The following C4orf51 variants were observed in gnomAD, a reference collection of about 807,000 sequenced individuals.
C4orf51 encodes the protein uncharacterized protein C4orf51.
In C4orf51, 25 loss-of-function variants were observed where a neutral mutation model predicts 25.2. That is an observed-to-expected ratio of 0.99 (90% CI 0.72 to 1.39). The LOEUF (loss-of-function observed/expected upper bound fraction) is 1.39. C4orf51 is among the 40% of genes most tolerant of loss of function. C4orf51 has a pLI of 0.00. For synonymous variants in C4orf51, 100 were observed against 84.5 expected (o/e 1.18, Z -1.01); for missense variants, 252 against 239.6 (o/e 1.05, Z -0.34).
intron 3 of C4orf51, among the ~76,000 whole-genome samples, chr4:145,728,414 C>T (rs1732233199): frequency 6.6e-6 from 1 of 151,996 alleles, no homozygotes; most frequent in Non-Finnish European, 1.5e-5. Context: ...AGCATCTTCT[C>T]CTATGTTTAT....
intron 1 of C4orf51, among the ~76,000 whole-genome samples, chr4:145,738,467 TATA>T (rs1387438464): frequency 5.3e-5 from 8 of 151,198 alleles, no homozygotes; most frequent in African/African-American, 1.9e-4. Flanking sequence ...AACATATATA[TATA>T]TATATATAGA....
intron 1 of C4orf51, among the ~76,000 whole-genome samples, chr4:145,680,917 G>A (rs1728802320): frequency 6.6e-6 from 1 of 152,130 alleles, no homozygotes; most frequent in South Asian, 2.1e-4. Context: ...ATTAACTTCA[G>A]TTTATAAAGT....
At chr4:145,697,574 A>T (rs1378185954) in intron 2 of C4orf51, among the ~76,000 whole-genome samples, 1 of 152,106 alleles carries the variant, frequency 6.6e-6, no homozygotes, top group Non-Finnish European at 1.5e-5. Context: ...TATAACTTTG[A>T]CTTTTTAGAT....
chr4:145,765,364 C>T lies in C4orf51; in HGVS notation n.167-5624C>T, dbSNP rs954941272. ...CGGAATCAATGTCACCCTCCCCATC[C>T]TTCCACCCCATACTCGGATTCAAAT... On this transcript the variant is annotated intron_variant and non_coding_transcript_variant, in intron 1 of 1. Transcript: ENST00000510096. The surrounding 1 kb of genome is among the most constrained non-coding windows in gnomAD (Gnocchi z 4.7). Among the ~76,000 whole-genome samples, 5 of 152,208 alleles carry T rather than the reference C, an allele frequency of 3.3e-5. No individual in the cohort carries two copies. Among genetic ancestry groups the T allele is most frequent in the Non-Finnish European group, 5.9e-5 (4 of 68,036 alleles).
At chr4:145,726,724 G>A (rs1373552623) in intron 2 of C4orf51, among the ~76,000 whole-genome samples, 187 bp from the exon 3 acceptor site, 1 of 152,108 alleles carries the variant, frequency 6.6e-6, no homozygotes, top group Non-Finnish European at 1.5e-5. Flanking sequence ...ACTGTTAACT[G>A]TATTGCCTCT....
chr4:145,780,237 T>C, the C4orf51 span, among the ~76,000 whole-genome samples: 2 of 152,020 alleles, frequency 1.3e-5, no homozygotes, highest in Admixed American at 1.3e-4. Flanking sequence ...GAATTGTAAA[T>C]CTCAGATTCT....
chr4:145,751,190 T>C (rs1246432039), intron 1 of C4orf51, among the ~76,000 whole-genome samples: 1 of 152,162 alleles, frequency 6.6e-6, no homozygotes, highest in Non-Finnish European at 1.5e-5. Flanking sequence ...CTGGATGATC[T>C]TGATGCTTGA....
At chr4:145,768,662 A>G (rs544065839) in intron 1 of C4orf51, among the ~76,000 whole-genome samples, 1 of 151,002 alleles carries the variant, frequency 6.6e-6, no homozygotes, top group South Asian at 2.1e-4. Context: ...TAAGCAATCT[A>G]GTGACTGTAA....
chr4:145,771,713 C>T (rs1228239709), downstream of C4orf51, among the ~76,000 whole-genome samples: 1 of 152,158 alleles, frequency 6.6e-6, no homozygotes, highest in Non-Finnish European at 1.5e-5. Flanking sequence ...GTAACACCAA[C>T]CCATAAGAAA....
At chr4:145,783,076 A>G in the C4orf51 span, among the ~76,000 whole-genome samples, 5 of 79,892 alleles carry the variant, frequency 6.3e-5, no homozygotes, top group Non-Finnish European at 1.4e-4. Context: ...TATAAGCCAT[A>G]TATATATATA....
chr4:145,781,473 G>A, the C4orf51 span, among the ~76,000 whole-genome samples: 1 of 152,142 alleles, frequency 6.6e-6, no homozygotes, highest in African/African-American at 2.4e-5. Flanking sequence ...TGTTCGCTGT[G>A]AGGCACCTGC....
intron 1 of C4orf51, chr4:145,760,649 G>A (rs1202834947): frequency 3.9e-6 from 2 of 518,404 alleles, no homozygotes; most frequent in Non-Finnish European, 5.4e-6. Flanking sequence ...CAGTACACAT[G>A]TTCCAGACCC....
intron 1 of C4orf51, chr4:145,760,841 G>A (rs1734379484): frequency 1.7e-6 from 2 of 1,206,938 alleles, no homozygotes; most frequent in East Asian, 5.8e-5. Flanking sequence ...TTGGGTGAGG[G>A]GATGCTGGGA....
Position 145,702,825 on chromosome 4 carries a change from A to G in C4orf51, c.307+6193A>G, listed in dbSNP as rs183140730. Among the ~76,000 whole-genome samples the G allele has an allele frequency of 4.3e-3, 653 of 151,578 alleles. 8 individuals are homozygous for G. The highest frequency in any genetic ancestry group is 3.8e-3 in the Non-Finnish European group (261 of 67,960). On this transcript the variant is annotated intron_variant, in intron 2 of 5. Transcript: ENST00000438731. ...TATCCAGGCCATCACCAATCATTCT[A>G]TATGACAAATGTTTCTTCTAACATC... is the stretch of plus-strand genomic sequence containing the variant.
chr4:145,737,268 A>G (rs1231654180), downstream of C4orf51, among the ~76,000 whole-genome samples: 1 of 152,372 alleles, frequency 6.6e-6, no homozygotes, highest in African/African-American at 2.4e-5. Context: ...TTGTCTTAAC[A>G]TAGCCCTCTT....
At chr4:145,705,572 C>T (rs1352351094) in intron 2 of C4orf51, among the ~76,000 whole-genome samples, 11 of 152,128 alleles carry the variant, frequency 7.2e-5, no homozygotes. Context: ...GATTGTTCTG[C>T]AGGTCTTGGC....
chr4:145,706,740 A>G (rs1261675047), intron 2 of C4orf51, among the ~76,000 whole-genome samples: 3 of 151,272 alleles, frequency 2.0e-5, no homozygotes, highest in East Asian at 1.9e-4. Flanking sequence ...TCCTCAGTTC[A>G]TGCCATTCTT....
Position 145,763,248 on chromosome 4 carries a change from A to G in C4orf51, n.167-7740A>G. ...CAGCAGTCTGTTTCATTTTAAGGAC[A>G]TTTCTGTGACCCACAGCTCAATCTT... On this transcript the variant is annotated intron_variant and non_coding_transcript_variant, in intron 1 of 1. Coordinates refer to the C4orf51 transcript ENST00000510096. The surrounding 1 kb of genome is among the most constrained non-coding windows in gnomAD (Gnocchi z 4.6). 2.1e-6 allele frequency: 2 copies of G among 967,230 alleles called. No homozygotes were observed. Among genetic ancestry groups the G allele is most frequent in the South Asian group, 3.3e-5 (2 of 59,950 alleles). 59.9% of individuals were successfully genotyped at this position (967,230 alleles called of 1,614,324 possible).
chr4:145,693,848 C>CA (rs1729804151), intron 1 of C4orf51, among the ~76,000 whole-genome samples: 2 of 98,894 alleles, frequency 2.0e-5, no homozygotes, highest in African/African-American at 4.0e-5. Context: ...GGGCTGACCC[C>CA]CCCCACCTCC....
Sources: allele counts gnomAD v4.1 joint callset (sites outside exome capture counted in the v4.1 genomes callset), GRCh38; gene constraint gnomAD v4.1.1; non-coding constraint Gnocchi (gnomAD v3.1); transcripts MANE v1.5; gene names NCBI Gene and HGNC (gene_info 2026-07-23, HGNC 2026-07-21).